The following AGMO variants were observed in gnomAD, a reference collection of about 807,000 sequenced individuals.
AGMO encodes glyceryl-ether monooxygenase.
In AGMO, 75 loss-of-function variants were observed where a neutral mutation model predicts 60.2. The ratio of observed to expected loss-of-function variants is 1.25; its 90% CI spans 1.03 to 1.51. The LOEUF (loss-of-function observed/expected upper bound fraction) is 1.51. AGMO is among the 40% of genes most tolerant of loss of function. AGMO has a pLI of 0.00. For synonymous variants in AGMO, 261 were observed against 177.1 expected (o/e 1.47, Z -3.76); for missense variants, 763 against 525.5 (o/e 1.45, Z -4.42).
At chr7:15,409,734 T>C (rs372903797) in intron 5 of AGMO, among the ~76,000 whole-genome samples, 3 of 151,810 alleles carry the variant, frequency 2.0e-5, no homozygotes, top group East Asian at 3.9e-4. Flanking sequence ...ATGGTGGCTA[T>C]TTATTACAAC....
intron 3 of AGMO, among the ~76,000 whole-genome samples, chr7:15,495,204 T>C (rs1438874068): frequency 6.6e-6 from 1 of 152,204 alleles, no homozygotes; most frequent in Middle Eastern, 3.2e-3. Flanking sequence ...ATTAACATTT[T>C]ATCACCTTAA....
At chr7:15,265,816 A>G (rs565048790) in intron 12 of AGMO, among the ~76,000 whole-genome samples, 82 of 152,230 alleles carry the variant, frequency 5.4e-4, no homozygotes, top group Non-Finnish European at 7.5e-4. Context: ...CATGTCTTGA[A>G]AAGATAACTG....
At chr7:15,304,333 TA>T (rs1338181297) in intron 12 of AGMO, among the ~76,000 whole-genome samples, 1 of 152,124 alleles carries the variant, frequency 6.6e-6, no homozygotes, top group Admixed American at 6.6e-5. Context: ...AGAGCCCCAT[TA>T]TTTAATAACA....
At chr7:15,384,538 AACC>A (rs1783834158) in intron 10 of AGMO, among the ~76,000 whole-genome samples, 1 of 152,152 alleles carries the variant, frequency 6.6e-6, no homozygotes, top group African/African-American at 2.4e-5. Flanking sequence ...GGCGTATCTT[AACC>A]ACCACTTTGC....
chr7:15,519,853 C>T (rs994660891), intron 3 of AGMO, among the ~76,000 whole-genome samples: 1 of 151,848 alleles, frequency 6.6e-6, no homozygotes, highest in African/African-American at 2.4e-5. Flanking sequence ...TTAAAAGACA[C>T]AGACTGGCAA....
At chr7:15,300,371 T>G (rs1027450430) in intron 12 of AGMO, among the ~76,000 whole-genome samples, 14 of 152,288 alleles carry the variant, frequency 9.2e-5, no homozygotes, top group African/African-American at 3.1e-4. Context: ...TTTGGGTATG[T>G]TGAACATCAA....
chr7:15,221,160 A>C (rs1159171952), intron 12 of AGMO, among the ~76,000 whole-genome samples: 1 of 152,052 alleles, frequency 6.6e-6, no homozygotes, highest in Non-Finnish European at 1.5e-5. Context: ...AATGTAGGAG[A>C]ATCATTTGGC....
chr7:15,222,883 A>G (rs1021213041), intron 12 of AGMO, among the ~76,000 whole-genome samples: 1 of 152,018 alleles, frequency 6.6e-6, no homozygotes, highest in Non-Finnish European at 1.5e-5. Context: ...CGTAACAAAA[A>G]TATCATCAAT....
chr7:15,501,382 A>G (rs1783382111), intron 3 of AGMO, among the ~76,000 whole-genome samples: 1 of 152,076 alleles, frequency 6.6e-6, no homozygotes, highest in African/African-American at 2.4e-5. Context: ...TGAACAAAAT[A>G]AGAATGGCAG....
At chr7:15,379,119 C>T (rs1267384071) in intron 10 of AGMO, among the ~76,000 whole-genome samples, 1 of 152,068 alleles carries the variant, frequency 6.6e-6, no homozygotes, top group Non-Finnish European at 1.5e-5. Flanking sequence ...ACAGCTAAGG[C>T]AGTGTTAAGA....
At chr7:15,162,469 G>A in the AGMO span, among the ~76,000 whole-genome samples, 1 of 152,080 alleles carries the variant, frequency 6.6e-6, no homozygotes, top group Admixed American at 6.6e-5. Flanking sequence ...GGGACAGGTG[G>A]TTTGCTTGAG....
chr7:15,454,583 A>G (rs191764069), intron 3 of AGMO, among the ~76,000 whole-genome samples: 18 of 152,134 alleles, frequency 1.2e-4, no homozygotes, highest in Non-Finnish European at 1.8e-4. Context: ...TAGCCTTCCA[A>G]TCTTAGTGTG....
At chr7:15,248,648 G>C (rs1231613583) in intron 12 of AGMO, among the ~76,000 whole-genome samples, 1 of 152,098 alleles carries the variant, frequency 6.6e-6, no homozygotes, top group Non-Finnish European at 1.5e-5. Flanking sequence ...CACTGAACTT[G>C]AGAGTGGTGA....
intron 10 of AGMO, among the ~76,000 whole-genome samples, chr7:15,383,022 G>A (rs768077186): frequency 1.3e-5 from 2 of 151,296 alleles, no homozygotes; most frequent in African/African-American, 2.4e-5. Flanking sequence ...CCACTCTGTT[G>A]TTCTTCATAG....
intron 3 of AGMO, among the ~76,000 whole-genome samples, chr7:15,438,963 G>C (rs1781475615): frequency 6.6e-6 from 1 of 152,180 alleles, no homozygotes; most frequent in African/African-American, 2.4e-5. Context: ...CTTACAGACT[G>C]TGTTCTATAG....
chr7:15,126,166 G>C, the AGMO span, among the ~76,000 whole-genome samples: 1 of 151,996 alleles, frequency 6.6e-6, no homozygotes. Context: ...CTTGGGTTCT[G>C]ATTTAGACAT....
At chr7:15,340,112 A>G (rs1255803601) in intron 12 of AGMO, among the ~76,000 whole-genome samples, 1 of 152,180 alleles carries the variant, frequency 6.6e-6, no homozygotes. Context: ...ACAATAAGGT[A>G]TCTTGAGGAT....
chr7:15,531,095 C>CTA (rs1366511682), intron 3 of AGMO, among the ~76,000 whole-genome samples: 3 of 12,358 alleles, frequency 2.4e-4, no homozygotes, highest in African/African-American at 1.1e-3. Flanking sequence ...TATATATATT[C>CTA]TATATATATT....
the AGMO span, among the ~76,000 whole-genome samples, chr7:15,132,425 C>T: frequency 6.6e-6 from 1 of 152,026 alleles, no homozygotes; most frequent in Non-Finnish European, 1.5e-5. Context: ...TGCAAGTTTC[C>T]TTTTAGGTAC....
Sources: allele counts gnomAD v4.1 joint callset (sites outside exome capture counted in the v4.1 genomes callset), GRCh38; gene constraint gnomAD v4.1.1; transcripts MANE v1.5; gene names NCBI Gene and HGNC (gene_info 2026-07-23, HGNC 2026-07-21).